Variants in CCDC196 observed in about 807,000 individuals in gnomAD.
CCDC196 encodes the protein coiled-coil domain containing 196, also known as coiled-coil domain-containing protein 196.
intron 8 of CCDC196, among the ~76,000 whole-genome samples, chr14:66,497,240 A>G (rs945011655): frequency 6.6e-6 from 1 of 152,184 alleles, no homozygotes; most frequent in Non-Finnish European, 1.5e-5. Flanking sequence ...TAGGTTATAA[A>G]GTTAATTTCT....
intron 2 of CCDC196, among the ~76,000 whole-genome samples, chr14:66,487,318 C>T (rs1482671290): frequency 1.3e-5 from 2 of 152,136 alleles, no homozygotes; most frequent in East Asian, 3.9e-4. Flanking sequence ...CCTTTCTAGT[C>T]TCAGAACCTC....
chr14:66,488,731 C>A (rs1029094121), intron 3 of CCDC196, among the ~76,000 whole-genome samples: 1 of 152,004 alleles, frequency 6.6e-6, no homozygotes, highest in Non-Finnish European at 1.5e-5. Flanking sequence ...GAACTCATTT[C>A]TATAGATACT....
chr14:66,492,317 C>A, intron 8 of CCDC196, 123 bp downstream of exon 8: 2 of 388,554 alleles, frequency 5.1e-6, no homozygotes, highest in Non-Finnish European at 4.5e-6. Context: ...GTTAGTAGTA[C>A]AGTAATTAAT....
At chr14:66,488,604 C>T (rs1436537661) in intron 3 of CCDC196, among the ~76,000 whole-genome samples, 1 of 151,938 alleles carries the variant, frequency 6.6e-6, no homozygotes, top group African/African-American at 2.4e-5. Context: ...AAATAGTTTG[C>T]TCTGCAGGAT....
At chr14:66,488,891 C>A in intron 3 of CCDC196, 96 bp from the exon 4 acceptor site, 1 of 411,506 alleles carries the variant, frequency 2.4e-6, no homozygotes. Context: ...GTCCCTGGAC[C>A]CTTTTTCCAC....
At chr14:66,489,768 T>C (rs552870057) in intron 4 of CCDC196, among the ~76,000 whole-genome samples, 1 of 152,088 alleles carries the variant, frequency 6.6e-6, no homozygotes, top group Non-Finnish European at 1.5e-5. Flanking sequence ...CTAATTCCAA[T>C]ACCCTTATAA....
At chr14:66,487,111 A>G (rs973086373) in intron 2 of CCDC196, among the ~76,000 whole-genome samples, 3 of 152,166 alleles carry the variant, frequency 2.0e-5, no homozygotes, top group African/African-American at 7.2e-5. Flanking sequence ...TACCACGGTC[A>G]CACAGATGCT....
At chr14:66,490,894 G>C (rs994064938) in intron 5 of CCDC196, 75 bp downstream of exon 5, 3 of 409,068 alleles carry the variant, frequency 7.3e-6, no homozygotes, top group Non-Finnish European at 1.3e-5. Flanking sequence ...CTGACAATCA[G>C]GGCTAATTTG....
At chr14:66,490,006 T>A (rs910653268) in intron 4 of CCDC196, among the ~76,000 whole-genome samples, 2 of 152,338 alleles carry the variant, frequency 1.3e-5, no homozygotes, top group Admixed American at 1.3e-4. Flanking sequence ...TCTCTGTCTT[T>A]TTTTTTCATC....
chr14:66,488,012 ATCT>A (rs1240009869), intron 2 of CCDC196, 145 bp from the exon 3 acceptor site: 1 of 391,860 alleles, frequency 2.6e-6, no homozygotes, highest in Non-Finnish European at 4.5e-6. Context: ...AGTTACAGAG[ATCT>A]TCTATGACCA....
intron 8 of CCDC196, chr14:66,494,841 T>C (rs1350141495): frequency 6.6e-6 from 1 of 151,968 alleles, no homozygotes; most frequent in African/African-American, 2.4e-5. Flanking sequence ...CTGGTTAACA[T>C]GGTGAAACCC....
chr14:66,486,686 A>G lies in CCDC196; in HGVS notation c.80A>G (p.Lys27Arg). The change falls in exon 2 of 10, where the codon AAG (lysine) becomes AGG (arginine). Residue 27 changes from lysine (K) to arginine (R), a missense_variant. Lys to Arg is a conservative substitution (Grantham distance 26). Coordinates refer to ENST00000636229, the MANE Select transcript of CCDC196 (RefSeq NM_001351576.1). ...TCTAAAATAGATGACAACTACTTGA[A>G]GGAATTGAATGAGGACTTAAAGCTA... Reference protein sequence around the residue: ...RSSKIDDNYLKELNEDLKLRK... With the variant: ...RSSKIDDNYLRELNEDLKLRK... The G allele has an allele frequency of 2.4e-6, 1 of 413,550 alleles. No homozygotes were observed. The highest frequency in any genetic ancestry group is 2.1e-5 in the African/African-American group (1 of 48,758). The allele number at this position is 413,550 out of a possible 1,614,324, so 25.6% of individuals were successfully genotyped here.
intron 2 of CCDC196, 81 bp downstream of exon 2, chr14:66,486,890 A>G (rs1393468381): frequency 4.9e-6 from 2 of 409,870 alleles, no homozygotes; most frequent in African/African-American, 2.1e-5. Flanking sequence ...AATTACTTAC[A>G]ATTTTTTTTT....
intron 8 of CCDC196, among the ~76,000 whole-genome samples, chr14:66,497,902 CT>C (rs1335321831): frequency 2.0e-5 from 3 of 151,940 alleles, no homozygotes; most frequent in East Asian, 1.9e-4. Context: ...ATTTTTCCCC[CT>C]GTGGGACATG....
rs558376785 is a variant in CCDC196, at chr14:66,491,662, C to G, written c.550C>G (p.Gln184Glu). 6 of 413,924 alleles carry G rather than the reference C, an allele frequency of 1.4e-5. No homozygotes were observed. The highest frequency in any genetic ancestry group is 1.0e-4 in the African/African-American group (5 of 48,712). The allele number at this position is 413,924 out of a possible 1,614,324, so 25.6% of individuals were successfully genotyped here. The change falls in exon 7 of 10, where the codon CAG (glutamine) becomes GAG (glutamate). Residue 184 changes from glutamine (Q) to glutamate (E), a missense_variant. Physicochemically the swap from Gln to Glu is conservative, Grantham distance 29. Coordinates refer to ENST00000636229, the MANE Select transcript of CCDC196 (RefSeq NM_001351576.1). ...GAGGAAAATGGAATGGGTCAAGTAT[C>G]AGGAACAAAATAACATCCTTCAGGT... ...QQRKMEWVKY[Q>E]EQNNILQNDF...
intron 2 of CCDC196, among the ~76,000 whole-genome samples, chr14:66,487,888 G>A (rs1173352863): frequency 1.3e-5 from 2 of 152,056 alleles, no homozygotes; most frequent in African/African-American, 4.8e-5. Flanking sequence ...CTTCTGAGGG[G>A]GTGGAAAGGA....
chr14:66,487,266 T>A (rs1309508677), intron 2 of CCDC196, among the ~76,000 whole-genome samples: 1 of 152,188 alleles, frequency 6.6e-6, no homozygotes, highest in Non-Finnish European at 1.5e-5. Flanking sequence ...CTTAACTCTT[T>A]ACCAGAGCAC....
intron 1 of CCDC196, 41 bp downstream of exon 1, chr14:66,486,593 T>C: frequency 5.4e-6 from 1 of 183,582 alleles, no homozygotes; most frequent in Non-Finnish European, 9.2e-6. Context: ...AAAGAGGGTC[T>C]CTCTCTCTCT....
chr14:66,486,891 A>ATTT, intron 2 of CCDC196, 82 bp downstream of exon 2: 1 of 328,996 alleles, frequency 3.0e-6, no homozygotes, highest in Non-Finnish European at 5.7e-6. Context: ...ATTACTTACA[A>ATTT]TTTTTTTTTT....
Sources: allele counts gnomAD v4.1 joint callset (sites outside exome capture counted in the v4.1 genomes callset), GRCh38; gene constraint gnomAD v4.1.1; transcripts MANE v1.5; gene names NCBI Gene and HGNC (gene_info 2026-07-23, HGNC 2026-07-21).